TNN: variants seen among roughly 807,000 people sequenced by gnomAD.
The protein encoded by TNN is tenascin N.
In TNN, 122 loss-of-function variants were observed where a neutral mutation model predicts 134.4. The observed-to-expected ratio is 0.91, with a 90% CI of 0.78 to 1.06. The LOEUF (loss-of-function observed/expected upper bound fraction) is 1.06. Among genes scored for constraint, TNN ranks in the 50% least tolerant of loss-of-function variants. TNN has a pLI of 0.00. For synonymous variants in TNN, 710 were observed against 670.3 expected, an observed-to-expected ratio of 1.06 and a Z score of -0.91; for missense variants, 1,739 against 1,699.4, an observed-to-expected ratio of 1.02 and a Z score of -0.41.
At chr1:175,090,432 A>T (rs1405322941) in intron 6 of TNN, among the ~76,000 whole-genome samples, 2 of 134,506 alleles carry the variant, frequency 1.5e-5, no homozygotes, top group Admixed American at 7.3e-5. Flanking sequence ...CCTTCAAATC[A>T]ATGACACAGG....
At chr1:175,118,884 C>T in intron 11 of TNN, 60 bp downstream of exon 11, 3 of 1,597,734 alleles carry the variant, frequency 1.9e-6, no homozygotes, top group Non-Finnish European at 2.6e-6. Flanking sequence ...TCTATTGCAG[C>T]TGAGTGATGA....
chr1:175,146,030 G>A (rs1676061494), intron 18 of TNN, among the ~76,000 whole-genome samples: 1 of 152,016 alleles, frequency 6.6e-6, no homozygotes, highest in Non-Finnish European at 1.5e-5. Context: ...TAGCACATCC[G>A]AAGTCCAGGT....
Position 175,144,515 on chromosome 1 carries a change from C to G in TNN, c.3724C>G (p.Pro1242Ala). ...WWYKNCHLAN[P>A]NGRYGETKHS... ...GTATAAGAACTGCCACTTGGCCAAC[C>G]CTAATGGCAGATATGGGGAGACCAA... Residue 1242 changes from proline to alanine, a missense_variant, in exon 18 of 19, where the codon CCT becomes GCT. By Grantham distance (27) the Pro-to-Ala change is conservative. Coordinates refer to ENST00000239462, the MANE Select transcript of TNN (RefSeq NM_022093.2). The G allele has an allele frequency of 2.5e-6, 4 of 1,614,210 alleles. No homozygotes were observed. The highest frequency in any genetic ancestry group is 3.4e-6 in the Non-Finnish European group (4 of 1,180,030).
chr1:175,119,772 T>C (rs1044933423), intron 11 of TNN, among the ~76,000 whole-genome samples: 2 of 151,844 alleles, frequency 1.3e-5, no homozygotes, highest in Admixed American at 1.3e-4. Flanking sequence ...GTAGCTGGGA[T>C]TACAAGCGCC....
Position 175,067,916 on chromosome 1 carries a change from G to T in TNN, c.-55G>T. ...TCACAGGAGCAGCAGCATTGGAAGA[G>T]GCACCCAGCAGCCTCCCAGGTAAGA... On this transcript the variant is annotated 5_prime_UTR_variant, in exon 1 of 19. The change creates a new upstream start codon in the 5' untranslated region. Transcript: ENST00000239462. 1 of 488,304 alleles carries T rather than the reference G, an allele frequency of 2.0e-6. No homozygotes were observed. Among genetic ancestry groups the T allele is most frequent in the South Asian group, 1.5e-5 (1 of 66,644 alleles). 30.2% of individuals were successfully genotyped at this position (488,304 alleles called of 1,614,324 possible).
At chr1:175,087,020 G>T (rs1013056847) in intron 6 of TNN, among the ~76,000 whole-genome samples, 1 of 152,200 alleles carries the variant, frequency 6.6e-6, no homozygotes. Flanking sequence ...TTAAGCTCAA[G>T]ATTGCCCAGC....
chr1:175,089,092 C>T (rs1674383631), intron 6 of TNN, among the ~76,000 whole-genome samples: 2 of 152,116 alleles, frequency 1.3e-5, no homozygotes, highest in African/African-American at 4.8e-5. Flanking sequence ...GTTTTACCAG[C>T]ATCAAAAAGA....
chr1:175,128,388 G>T (rs1270207565), intron 14 of TNN, among the ~76,000 whole-genome samples: 5 of 152,206 alleles, frequency 3.3e-5, no homozygotes, highest in Non-Finnish European at 7.3e-5. Context: ...CTGAGTTGGG[G>T]GAGGAAGTGA....
chr1:175,088,193 AG>A (rs1304664669), intron 6 of TNN, among the ~76,000 whole-genome samples: 12 of 152,096 alleles, frequency 7.9e-5, no homozygotes, highest in Non-Finnish European at 4.4e-5. Flanking sequence ...TCCCCTTGTT[AG>A]GGGGGTGGGT....
rs200995718 is a variant in TNN at position 175,117,141 on chromosome 1, G to A, written c.2322G>A (p.Thr774=). 24 of 1,614,262 alleles carry A rather than the reference G, an allele frequency of 1.5e-5. No homozygotes were observed. The highest frequency in any genetic ancestry group is 8.0e-5 in the African/African-American group (6 of 75,068). ...GCCTGAGGCCGGGTGTGGAGTACAC[G>A]GTGCACGTGTGGGCCCAGAAGGGGG... ...LTGLRPGVEY[T]VHVWAQKGAQ... The change falls in exon 10 of 19, where the codon ACG becomes ACA. Residue 774 remains threonine (T), a synonymous_variant. Coordinates refer to ENST00000239462, the MANE Select transcript of TNN (RefSeq NM_022093.2).
chr1:175,141,646 T>A (rs1195179531), intron 17 of TNN, among the ~76,000 whole-genome samples: 1 of 152,230 alleles, frequency 6.6e-6, no homozygotes, highest in Non-Finnish European at 1.5e-5. Flanking sequence ...GCGATGTTAA[T>A]GGCTTCTCCT....
At position 175,080,426 on chromosome 1, in the gene TNN, G is replaced by A; in HGVS notation, c.1048G>A (p.Asp350Asn). 1 of 1,613,520 alleles carries A rather than the reference G, an allele frequency of 6.2e-7. No individual in the cohort carries two copies. The highest frequency in any genetic ancestry group is 8.5e-7 in the Non-Finnish European group (1 of 1,179,522). Residue 350 changes from aspartate (D) to asparagine (N), a missense_variant and splice_region_variant, in exon 4 of 19, where the codon GAC (aspartate) becomes AAC (asparagine). Physicochemically the swap from Asp to Asn is conservative, Grantham distance 23. Transcript: ENST00000239462. ...CCCACAGCATCTACTTGCCACCACAGGTGAGGAAGCCACCTGATGCCCCAG... is the reference window on the plus strand; with the variant it reads ...CCCACAGCATCTACTTGCCACCACAAGTGAGGAAGCCACCTGATGCCCCAG... ...SSPQHLLATTDLAVLGTAWVT... is the reference protein window; with the variant it reads ...SSPQHLLATTNLAVLGTAWVT...
chr1:175,091,559 TTTTATTTATTTATTTA>T (rs199865867), intron 6 of TNN, among the ~76,000 whole-genome samples: 28 of 141,714 alleles, frequency 2.0e-4, no homozygotes, highest in South Asian at 8.9e-4. Flanking sequence ...TATTTATTAT[TTTTATTTATTTATTTA>T]TTTATTTATT....
intron 6 of TNN, among the ~76,000 whole-genome samples, chr1:175,088,354 G>T (rs941723368): frequency 6.6e-6 from 1 of 152,048 alleles, no homozygotes; most frequent in Non-Finnish European, 1.5e-5. Context: ...AGATTCCAAG[G>T]GTTTTAGGAG....
In TNN at chr1:175,110,284, G is replaced by C. The variant is rs992779340; in HGVS notation, c.2120-6655G>C. On this transcript the variant is annotated intron_variant, in intron 9 of 18. Transcript: ENST00000239462. Reference sequence around the variant, plus strand: ...CTGTTTATTAATACTTTATCACATAGACAGCTTGCAAATAGTTTCTCCCAT... The same window carrying C: ...CTGTTTATTAATACTTTATCACATACACAGCTTGCAAATAGTTTCTCCCAT... Among the ~76,000 whole-genome samples the C allele has an allele frequency of 2.6e-5, 4 of 152,256 alleles. No homozygotes were observed. The South Asian group carries it at 6.2e-4, about 24-fold the overall frequency.
chr1:175,076,704 G>A (rs57974905), intron 1 of TNN, among the ~76,000 whole-genome samples: 5,214 of 152,252 alleles, frequency 0.034, 303 homozygotes, highest in African/African-American at 0.12. Flanking sequence ...TCCTGGCCGT[G>A]GGACTCAGGA....
rs969146532 is a variant in TNN, at chr1:175,137,697, C to A, written c.3595+709C>A. On this transcript the variant is annotated intron_variant, in intron 17 of 18. Transcript: ENST00000239462. Reference sequence around the variant, plus strand: ...GGAGGTGTGGTCATTGTTTTAATACCAATATTTTAAAAGCGGTATTTATGG... The same window carrying A: ...GGAGGTGTGGTCATTGTTTTAATACAAATATTTTAAAAGCGGTATTTATGG... Among the ~76,000 whole-genome samples the A allele has an allele frequency of 7.9e-5, 12 of 152,182 alleles. 2 individuals carry two copies. Among genetic ancestry groups the A allele is most frequent in the Non-Finnish European group, 1.5e-5 (1 of 68,014 alleles).
At chr1:175,068,270 A>AT (rs907227061) in intron 1 of TNN, among the ~76,000 whole-genome samples, 45 of 149,394 alleles carry the variant, frequency 3.0e-4, no homozygotes, top group East Asian at 1.2e-3. Flanking sequence ...GTTCCTTCTC[A>AT]TTTTTTTTTC....
At position 175,079,462 on chromosome 1, in the gene TNN, G is replaced by A. The variant is rs1674137485; in HGVS notation, c.539G>A (p.Arg180His). 1 of 1,567,954 alleles carries A rather than the reference G, an allele frequency of 6.4e-7. No homozygotes were observed. The highest frequency in any genetic ancestry group is 1.2e-5 in the South Asian group (1 of 86,878). The change falls in exon 3 of 19, where the codon CGT (arginine) becomes CAT (histidine). Residue 180 changes from arginine to histidine, a missense_variant. Arg to His is a conservative substitution (Grantham distance 29). Transcript: ENST00000239462. ...CCCGGGGCGTGCAGCGGCCACGGGCGTTGCGTGGACGGGCGCTGCCTGTGC... is the reference window on the plus strand; with the variant it reads ...CCCGGGGCGTGCAGCGGCCACGGGCATTGCGTGGACGGGCGCTGCCTGTGC... ...ACPGACSGHG[R>H]CVDGRCLCHE...
Sources: gnomAD v4.1 joint callset for allele counts (sites outside exome capture counted in the v4.1 genomes callset) on GRCh38, gnomAD v4.1.1 for gene constraint, MANE v1.5 for transcripts, NCBI Gene and HGNC (gene_info 2026-07-23, HGNC 2026-07-21) for gene names.